The following HMCN2 variants were observed in gnomAD, a reference collection of about 807,000 sequenced individuals.
HMCN2 encodes hemicentin 2.
Under a neutral mutation model 377.5 loss-of-function variants are expected in HMCN2, and 325 were observed. The observed-to-expected ratio is 0.86, with a 90% CI of 0.79 to 0.94. The LOEUF is 0.94. Among genes scored for constraint, HMCN2 ranks in the 40% least tolerant of loss-of-function variants. The pLI is 0.00. For missense variants in HMCN2, 4,543 were observed against 4,725.3 expected (o/e 0.96, Z 1.13); for synonymous variants, 2,007 against 2,046.8 (o/e 0.98, Z 0.53).
intron 34 of HMCN2, among the ~76,000 whole-genome samples, chr9:130,356,478 C>T (rs538557382): frequency 1.1e-4 from 16 of 152,306 alleles, no homozygotes; most frequent in East Asian, 7.7e-4. Flanking sequence ...AGGCCTCACT[C>T]CTCTCCCCAG....
chr9:130,429,569 G>T lies in HMCN2; in HGVS notation c.14210G>T (p.Cys4737Phe). Reference protein sequence around the residue: ...DGAGCEDVDECLEGLDDCHYN... With the variant: ...DGAGCEDVDEFLEGLDDCHYN... ...CCCTGCCTCCCAGATGTGGACGAAT[G>T]CCTGGAGGGGTTGGACGACTGTCAC... The change falls in exon 94 of 98, where the codon TGC (cysteine) becomes TTC (phenylalanine). Residue 4737 changes from cysteine to phenylalanine, a missense_variant. Physicochemically the swap from Cys to Phe is radical, Grantham distance 205 (BLOSUM62 -2). This residue lies in a region of HMCN2 where 1,155 missense variants were observed against 1,157.7 expected (regional missense o/e 1.00). Transcript: ENST00000683500. 1 of 1,550,488 alleles carries T rather than the reference G, an allele frequency of 6.4e-7. No individual in the cohort carries two copies. Among genetic ancestry groups the T allele is most frequent in the Non-Finnish European group, 8.7e-7 (1 of 1,146,888 alleles).
chr9:130,343,752 C>G (rs951213710), intron 25 of HMCN2, among the ~76,000 whole-genome samples: 1 of 152,246 alleles, frequency 6.6e-6, no homozygotes, highest in Admixed American at 6.5e-5. Flanking sequence ...TGCCTCTCCC[C>G]ACCAGGCCTG....
At chr9:130,342,140 G>A (rs1364262196) in intron 24 of HMCN2, among the ~76,000 whole-genome samples, 2 of 152,206 alleles carry the variant, frequency 1.3e-5, no homozygotes, top group Non-Finnish European at 2.9e-5. Flanking sequence ...TCCCCAGCAT[G>A]TGGGGCTCGG....
intron 24 of HMCN2, among the ~76,000 whole-genome samples, chr9:130,341,781 C>A (rs1332299199): frequency 6.6e-6 from 1 of 152,028 alleles, no homozygotes; most frequent in Non-Finnish European, 1.5e-5. Context: ...CAAAGTGGGT[C>A]CAATAGTATG....
At chr9:130,353,286 A>G in intron 31 of HMCN2, 81 bp downstream of exon 31, 1 of 1,226,892 alleles carries the variant, frequency 8.2e-7, no homozygotes, top group Non-Finnish European at 1.1e-6. Context: ...TCTCCAAAGG[A>G]AGGCTAGGTG....
chr9:130,362,507 T>G (rs1246764986), intron 39 of HMCN2, among the ~76,000 whole-genome samples: 1 of 152,264 alleles, frequency 6.6e-6, no homozygotes, highest in Non-Finnish European at 1.5e-5. Context: ...AAAATAATTA[T>G]TGAGATATTT....
chr9:130,377,576 G>C, intron 52 of HMCN2, 73 bp from the exon 53 acceptor site: 1 of 825,812 alleles, frequency 1.2e-6, no homozygotes, highest in African/African-American at 1.8e-5. Flanking sequence ...TGAGAATTAA[G>C]CACATTTGTC....
intron 77 of HMCN2, among the ~76,000 whole-genome samples, chr9:130,401,734 A>C (rs1466830036): frequency 6.6e-6 from 1 of 152,194 alleles, no homozygotes; most frequent in Non-Finnish European, 1.5e-5. Flanking sequence ...AAAGTCTAGG[A>C]ACCAGTGGCC....
At chr9:130,288,301 C>T (rs531144048) in intron 4 of HMCN2, among the ~76,000 whole-genome samples, 1 of 152,180 alleles carries the variant, frequency 6.6e-6, no homozygotes, top group Non-Finnish European at 1.5e-5. Context: ...ACAGTCTGGC[C>T]GGGCAGCATG....
chr9:130,274,238 G>C (rs1477916449), intron 1 of HMCN2, among the ~76,000 whole-genome samples: 2 of 151,928 alleles, frequency 1.3e-5, no homozygotes, highest in African/African-American at 2.4e-5. Flanking sequence ...TTTTTTAGTA[G>C]AGACAGGGTT....
At chr9:130,330,458 A>T (rs1286185747) in intron 22 of HMCN2, among the ~76,000 whole-genome samples, 1 of 152,118 alleles carries the variant, frequency 6.6e-6, no homozygotes, top group African/African-American at 2.4e-5. Context: ...ACAGAAACAC[A>T]TGGGGTGTGG....
At position 130,342,356 on chromosome 9, in the gene HMCN2, C is replaced by A. The variant is rs953361264; in HGVS notation, c.3749C>A (p.Pro1250Gln). 1 of 152,242 alleles carries A rather than the reference C, an allele frequency of 6.6e-6. No homozygotes were observed. Among genetic ancestry groups the A allele is most frequent in the East Asian group, 1.9e-4 (1 of 5,190 alleles). The allele number at this position is 152,242 out of a possible 1,614,324, so 9.4% of individuals were successfully genotyped here. ...CCATGTTGCCTCCCTACAGAGCCAC[C>A]ACACTGGGGGGCTGATGAGACCAGC... ...WEVELRVLEP[P>Q]HWGADETSGL... The change falls in exon 25 of 98, where the codon CCA becomes CAA. Residue 1250 changes from proline to glutamine, a missense_variant. Around this residue, in one of 5 missense-constraint regions of HMCN2, gnomAD observed 547 missense variants for 189.9 expected, o/e 2.88. Coordinates refer to ENST00000683500, the MANE Select transcript of HMCN2 (RefSeq NM_001291815.2).
intron 25 of HMCN2, among the ~76,000 whole-genome samples, chr9:130,346,814 G>A (rs1839416260): frequency 6.6e-6 from 1 of 152,160 alleles, no homozygotes; most frequent in African/African-American, 2.4e-5. Flanking sequence ...GGAGGACGAC[G>A]GCTGAAAAGC....
At chr9:130,412,944 GT>G (rs1843505991) in intron 85 of HMCN2, among the ~76,000 whole-genome samples, 1 of 152,120 alleles carries the variant, frequency 6.6e-6, no homozygotes, top group African/African-American at 2.4e-5. Context: ...GTTAATCTTT[GT>G]GTGGGGTAAG....
chr9:130,391,874 G>C lies in HMCN2; in HGVS notation c.9953-61G>C, dbSNP rs945840213. ...GTCTCCACTTCTGGGATTTCCCTGGGAGGAGCCCACCTTCCTCCCAAGACC... is the reference window on the plus strand; with the variant it reads ...GTCTCCACTTCTGGGATTTCCCTGGCAGGAGCCCACCTTCCTCCCAAGACC... On this transcript the variant is annotated intron_variant, in intron 65 of 97. Coordinates refer to ENST00000683500, the MANE Select transcript of HMCN2 (RefSeq NM_001291815.2). 8 of 930,888 alleles carry C rather than the reference G, an allele frequency of 8.6e-6. No homozygotes were observed. The East Asian group carries it at 8.2e-4, about 95-fold the overall frequency. The allele number at this position is 930,888 out of a possible 1,614,324, so 57.7% of individuals were successfully genotyped here.
rs1412243725 is a variant in HMCN2, at chr9:130,422,588, G to A, written c.13243G>A (p.Gly4415Arg). The A allele has an allele frequency of 3.0e-6, 4 of 1,316,948 alleles. No homozygotes were observed. Among genetic ancestry groups the A allele is most frequent in the Admixed American group, 8.1e-5 (2 of 24,696 alleles). 81.6% of individuals were successfully genotyped at this position (1,316,948 alleles called of 1,614,324 possible). Residue 4415 changes from glycine (G) to arginine (R), a missense_variant, in exon 87 of 98, where the codon GGG (glycine) becomes AGG (arginine). Coordinates refer to ENST00000683500, the MANE Select transcript of HMCN2 (RefSeq NM_001291815.2). The surrounding 1 kb of genome is among the most constrained non-coding windows in gnomAD (Gnocchi z 4.2). ...AFLVVRGEPQ[G>R]SWGSMTGVIN... is the part of the protein sequence containing the mutation. The stretch of plus-strand genomic sequence containing the variant: ...TCCCTTCCTTACAGGGGAGCCCCAG[G>A]GGAGCTGGGGCAGCATGACTGGGGT...
intron 14 of HMCN2, 90 bp from the exon 15 acceptor site, chr9:130,309,822 C>T (rs574596505): frequency 4.8e-5 from 17 of 352,410 alleles, no homozygotes; most frequent in East Asian, 1.8e-4. Flanking sequence ...CTTGTGCAGC[C>T]GCAGGAGCCA....
chr9:130,317,598 G>A (rs1226622512), intron 15 of HMCN2, among the ~76,000 whole-genome samples: 1 of 151,232 alleles, frequency 6.6e-6, no homozygotes, highest in African/African-American at 2.4e-5. Flanking sequence ...GGGTTCAAGC[G>A]ATTCTCCTGC....
At chr9:130,285,550 C>T (rs755924526) in intron 3 of HMCN2, among the ~76,000 whole-genome samples, 3 of 152,210 alleles carry the variant, frequency 2.0e-5, no homozygotes, top group Non-Finnish European at 4.4e-5. Flanking sequence ...ACTTCCCTGG[C>T]GCAGCTTGTT....
Sources: allele counts gnomAD v4.1 joint callset (sites outside exome capture counted in the v4.1 genomes callset), GRCh38; gene constraint gnomAD v4.1.1; regional missense constraint gnomAD v4.1.1; non-coding constraint Gnocchi (gnomAD v3.1); transcripts MANE v1.5; gene names NCBI Gene and HGNC (gene_info 2026-07-23, HGNC 2026-07-21).